DOK7: variants seen among roughly 807,000 people sequenced by gnomAD.
The protein encoded by DOK7 is protein Dok-7.
Under a neutral mutation model 30.7 loss-of-function variants are expected in DOK7, and 32 were observed. The observed-to-expected ratio is 1.04, with a 90% CI of 0.79 to 1.40. DOK7 has a LOEUF of 1.40. Ranked by LOEUF, DOK7 falls within the 40% of genes most tolerant of loss-of-function variation. The pLI, the probability that DOK7 is intolerant of heterozygous loss-of-function variation, is 0.00. For missense variants in DOK7, 1,007 were observed against 699.2 expected, an observed-to-expected ratio of 1.44 and a Z score of -4.97; for synonymous variants, 447 against 324.1, an observed-to-expected ratio of 1.38 and a Z score of -4.07.
At chr4:3,463,713 G>A (rs1577135192) in intron 2 of DOK7, among the ~76,000 whole-genome samples, 162 bp downstream of exon 2, 1 of 152,204 alleles carries the variant, frequency 6.6e-6, no homozygotes, top group Non-Finnish European at 1.5e-5. Context: ...CCCTGGGAGC[G>A]CAGGTGGGGG....
At chr4:3,486,718 GCCTAGTGGATGCACCCCTGCAGGTGTCT>G (rs1727820433) in intron 5 of DOK7, among the ~76,000 whole-genome samples, 10 of 151,954 alleles carry the variant, frequency 6.6e-5, no homozygotes, top group Non-Finnish European at 1.5e-4. Flanking sequence ...GTGTCTTCCT[GCCTAGTGGATGCACCCCTGCAGGTGTCT>G]TCCTGCCTAG....
intron 4 of DOK7, among the ~76,000 whole-genome samples, chr4:3,476,924 A>G (rs771979114): frequency 2.4e-4 from 36 of 152,220 alleles, no homozygotes; most frequent in Non-Finnish European, 4.6e-4. Flanking sequence ...CCGCAGAAAC[A>G]TATTCTTGGA....
Position 3,463,458 on chromosome 4 carries a change from GGGGGCGC to G in DOK7, c.54+33_55-38del. 5.6e-6 allele frequency: 8 copies of G among 1,424,562 alleles called. No individual in the cohort carries two copies. The South Asian group carries it at 5.8e-5, about 10-fold the overall frequency. The allele number at this position is 1,424,562 out of a possible 1,614,324, so 88.2% of individuals were successfully genotyped here. Reference sequence around the variant, plus strand: ...GGGGCGCGTCGGGGGCGCGGGGGGGGGGGGCGCGGGCGCGGGCGGCGGCTCACGCTCC... The same window carrying G: ...GGGGCGCGTCGGGGGCGCGGGGGGGGGGGCGCGGGCGGCGGCTCACGCTCC... On this transcript the variant is annotated intron_variant, in intron 1 of 6. Coordinates refer to ENST00000340083, the MANE Select transcript of DOK7 (RefSeq NM_173660.5).
intron 2 of DOK7, among the ~76,000 whole-genome samples, chr4:3,469,563 C>T (rs1726632564): frequency 6.6e-6 from 1 of 152,128 alleles, no homozygotes. Flanking sequence ...GAGGGTGTGG[C>T]TGGGGCCCTC....
rs921135057 is a variant in DOK7, at chr4:3,485,772, C to T, written c.652+114C>T. On this transcript the variant is annotated intron_variant, in intron 5 of 6. Coordinates refer to ENST00000340083, the MANE Select transcript of DOK7 (RefSeq NM_173660.5). ...CCCAGTTAGATGGCCAGCCTCCCCA[C>T]CCCCAGCTAAGGAACCAGAACCTTT... 5 of 1,327,600 alleles carry T rather than the reference C, an allele frequency of 3.8e-6. No homozygotes were observed. The African/African-American group carries it at 7.6e-5, about 20-fold the overall frequency. 82.2% of individuals were successfully genotyped at this position (1,327,600 alleles called of 1,614,324 possible).
At chr4:3,469,881 GC>G (rs1208094255) in intron 2 of DOK7, among the ~76,000 whole-genome samples, 1 of 152,228 alleles carries the variant, frequency 6.6e-6, no homozygotes, top group African/African-American at 2.4e-5. Context: ...TGCCGGAGAA[GC>G]TTCTGCCAGG....
At chr4:3,486,027 C>T (rs764643876) in intron 5 of DOK7, among the ~76,000 whole-genome samples, 6 of 151,960 alleles carry the variant, frequency 3.9e-5, no homozygotes, top group African/African-American at 1.2e-4. Context: ...AGGCCTTGCC[C>T]GAGCTCGGTG....
downstream of DOK7, among the ~76,000 whole-genome samples, chr4:3,496,341 G>C (rs556030178): frequency 8.2e-4 from 125 of 152,358 alleles, no homozygotes; most frequent in African/African-American, 3.0e-3. Flanking sequence ...CCCCTGCGGA[G>C]CCTTCCCCAC....
At chr4:3,489,440 A>C (rs1166638562) in intron 5 of DOK7, among the ~76,000 whole-genome samples, 1 of 152,124 alleles carries the variant, frequency 6.6e-6, no homozygotes, top group Non-Finnish European at 1.5e-5. Context: ...GGCAGGTGGC[A>C]GGGCCATCCA....
In DOK7 at chr4:3,493,522, C is replaced by G; in HGVS notation, c.*21C>G. ...CTTGAGAGCCGCAGATCCCGCCCCG[C>G]GGCTGCAAAGGGGCTGAATTTGCCC... On this transcript the variant is annotated 3_prime_UTR_variant, in exon 7 of 7. Transcript: ENST00000340083. The G allele has an allele frequency of 6.2e-7, 1 of 1,607,934 alleles. No individual in the cohort carries two copies. The highest frequency in any genetic ancestry group is 1.1e-5 in the South Asian group (1 of 90,294).
At chr4:3,495,047 T>C (rs1220892791), downstream of DOK7, among the ~76,000 whole-genome samples, 1 of 152,148 alleles carries the variant, frequency 6.6e-6, no homozygotes, top group Non-Finnish European at 1.5e-5. Flanking sequence ...AGCGTGGGCT[T>C]TGGGGACTGA....
rs940346413 is a variant in DOK7, at chr4:3,473,535, C to T, written c.230C>T (p.Thr77Met). Residue 77 changes from threonine to methionine, a missense_variant, in exon 3 of 7, where the codon ACG (threonine) becomes ATG (methionine). Transcript: ENST00000340083. ...PGLPYEGLVH[T>M]LAIVCLSQAI... ...CTGCCCTACGAGGGCCTGGTCCACA[C>T]GCTGGCCATTGTCTGCCTGTCCCAG... 32 of 1,610,826 alleles carry T rather than the reference C, an allele frequency of 2.0e-5. No individual in the cohort carries two copies. Among genetic ancestry groups the T allele is most frequent in the African/African-American group, 5.3e-5 (4 of 74,872 alleles).
Position 3,489,691 on chromosome 4 carries a change from G to T in DOK7, c.667G>T (p.Gly223Ter). The T allele has an allele frequency of 1.3e-6, 2 of 1,565,230 alleles. No individual in the cohort carries two copies. Among genetic ancestry groups the T allele is most frequent in the Non-Finnish European group, 1.7e-6 (2 of 1,155,100 alleles). Residue 223 changes from glycine to a stop codon, truncating the protein, a stop_gained, in exon 6 of 7, where the codon GGA becomes TGA. Coordinates refer to ENST00000340083, the MANE Select transcript of DOK7 (RefSeq NM_173660.5). LOFTEE classifies it high-confidence loss of function. ...RPVLPDPSPP[G>*]PSTVEERVAQ... Reference sequence around the variant, plus strand: ...CTCTGCCACAGACCCAAGTCCCCCGGGACCCTCGACTGTGGAGGAGCGTGT... The same window carrying T: ...CTCTGCCACAGACCCAAGTCCCCCGTGACCCTCGACTGTGGAGGAGCGTGT...
chr4:3,495,792 C>A (rs1553851037), downstream of DOK7, among the ~76,000 whole-genome samples: 1 of 152,000 alleles, frequency 6.6e-6, no homozygotes, highest in Non-Finnish European at 1.5e-5. Flanking sequence ...ACCCGCCTGC[C>A]CCCACCGGGA....
chr4:3,485,251 G>T (rs974038490), intron 4 of DOK7: 39 of 356,558 alleles, frequency 1.1e-4, no homozygotes, highest in Non-Finnish European at 1.8e-4. Flanking sequence ...GGATGGGCGG[G>T]GCAGCACTCA....
intron 2 of DOK7, among the ~76,000 whole-genome samples, chr4:3,473,074 A>G (rs1233136204): frequency 1.3e-5 from 2 of 151,086 alleles, no homozygotes; most frequent in South Asian, 2.1e-4. Flanking sequence ...CAGATCCTGC[A>G]GCCCTCAGTG....
At chr4:3,489,345 A>AT (rs1280125608) in intron 5 of DOK7, among the ~76,000 whole-genome samples, 7 of 152,110 alleles carry the variant, frequency 4.6e-5, no homozygotes, top group African/African-American at 1.7e-4. Context: ...GGGGCTGGTC[A>AT]TTTTTTGGAA....
chr4:3,492,003 G>T (rs1173645109), intron 6 of DOK7, among the ~76,000 whole-genome samples: 1 of 152,226 alleles, frequency 6.6e-6, no homozygotes, highest in African/African-American at 2.4e-5. Flanking sequence ...CCCTGCCCCA[G>T]GAGGAGGGGA....
chr4:3,489,777 G>C lies in DOK7; in HGVS notation c.753G>C (p.Ala251=), dbSNP rs59932476. The C allele has an allele frequency of 1.3e-6, 2 of 1,572,710 alleles. No homozygotes were observed. The highest frequency in any genetic ancestry group is 2.3e-5 in the East Asian group (1 of 42,718). The part of the protein sequence containing the change: ...LEKRLSLLSH[A]GRPGSGGDDR... ...AGCGGCTGAGCCTCCTCTCACATGC[G>C]GGCAGGCCGGGCAGTGGAGGTAGGG... Residue 251 remains alanine (A), a synonymous_variant, in exon 6 of 7, where the codon GCG becomes GCC. Coordinates refer to ENST00000340083, the MANE Select transcript of DOK7 (RefSeq NM_173660.5).
Sources: gnomAD v4.1 joint callset for allele counts (sites outside exome capture counted in the v4.1 genomes callset) on GRCh38, gnomAD v4.1.1 for gene constraint, MANE v1.5 for transcripts, NCBI Gene and HGNC (gene_info 2026-07-23, HGNC 2026-07-21) for gene names.